EIF3K: variants seen among roughly 807,000 people sequenced by gnomAD.
EIF3K encodes eukaryotic translation initiation factor 3 subunit K.
Under a neutral mutation model 34.2 loss-of-function variants are expected in EIF3K, and 27 were observed. That is an observed-to-expected ratio of 0.79 (90% CI 0.58 to 1.09). EIF3K has a LOEUF of 1.09. Among genes scored for constraint, EIF3K ranks in the 50% least tolerant of loss-of-function variants. The pLI is 0.00. For missense variants in EIF3K, 232 were observed against 275.4 expected, an observed-to-expected ratio of 0.84 and a Z score of 1.11; for synonymous variants, 105 against 105.7, an observed-to-expected ratio of 0.99 and a Z score of 0.04.
chr19:38,632,307 CTT>C (rs1199083597), intron 4 of EIF3K, 121 bp from the exon 5 acceptor site: 3 of 897,882 alleles, frequency 3.3e-6, no homozygotes, highest in African/African-American at 3.4e-5. Context: ...AGGAAGATCA[CTT>C]GAGCCCAGAA....
intron 4 of EIF3K, among the ~76,000 whole-genome samples, chr19:38,626,723 C>T (rs1044391348): frequency 1.3e-5 from 2 of 152,230 alleles, no homozygotes; most frequent in Admixed American, 6.5e-5. Flanking sequence ...CCCACTTCTG[C>T]AGCCCCCTAA....
At chr19:38,625,965 G>T in intron 3 of EIF3K, 63 bp from the exon 4 acceptor site, 1 of 1,458,204 alleles carries the variant, frequency 6.9e-7, no homozygotes, top group Non-Finnish European at 9.6e-7. Flanking sequence ...AGGTGGGGAG[G>T]GGTGATCTGG....
chr19:38,633,453 T>C (rs140929292), intron 6 of EIF3K, among the ~76,000 whole-genome samples: 1,656 of 152,080 alleles, frequency 0.011, 33 homozygotes, highest in African/African-American at 0.034. Context: ...AATCCAGCAC[T>C]TTGGGAGGCC....
chr19:38,628,949 A>T (rs1213308310), intron 4 of EIF3K, among the ~76,000 whole-genome samples: 1 of 151,892 alleles, frequency 6.6e-6, no homozygotes, highest in East Asian at 1.9e-4. Context: ...TTCTCACCTC[A>T]ACTTATGATC....
At position 38,624,299 on chromosome 19, in the gene EIF3K, A is replaced by G. The variant is rs1975903475; in HGVS notation, c.279+102A>G. On this transcript the variant is annotated intron_variant, in intron 3 of 7. Transcript: ENST00000248342. ...GTCTGTGGGTGTATCCACAAACAAC[A>G]AGTGCCTGCTCTGGTCCAGCGTGGC... is the stretch of plus-strand genomic sequence containing the variant. 3.2e-5 allele frequency: 50 copies of G among 1,540,178 alleles called. No homozygotes were observed. In the South Asian group the frequency reaches 5.7e-4, roughly 18 times the overall value.
At chr19:38,629,977 C>A (rs1976026574) in intron 4 of EIF3K, among the ~76,000 whole-genome samples, 1 of 152,138 alleles carries the variant, frequency 6.6e-6, no homozygotes, top group African/African-American at 2.4e-5. Flanking sequence ...TATGTGTCTG[C>A]CCCCTTTCTC....
chr19:38,620,977 G>C (rs751777658), intron 2 of EIF3K, among the ~76,000 whole-genome samples: 12 of 152,154 alleles, frequency 7.9e-5, no homozygotes, highest in Non-Finnish European at 1.2e-4. Flanking sequence ...TGAGGCGAGA[G>C]ACTCACTTGA....
At chr19:38,631,503 G>T (rs576588386) in intron 4 of EIF3K, among the ~76,000 whole-genome samples, 8 of 152,320 alleles carry the variant, frequency 5.3e-5, no homozygotes, top group Non-Finnish European at 1.0e-4. Context: ...CTGCCCGCGT[G>T]TCCCACCTCC....
At chr19:38,622,213 C>CTCCT (rs1248046439) in intron 2 of EIF3K, among the ~76,000 whole-genome samples, 1 of 151,698 alleles carries the variant, frequency 6.6e-6, no homozygotes, top group East Asian at 1.9e-4. Context: ...TCATGTAATC[C>CTCCT]TCCTGCCTCG....
chr19:38,623,454 C>T (rs1975884678), intron 2 of EIF3K, among the ~76,000 whole-genome samples: 1 of 152,116 alleles, frequency 6.6e-6, no homozygotes, highest in South Asian at 2.1e-4. Flanking sequence ...CAGGCGTGAG[C>T]CACTGCACCC....
At chr19:38,620,534 T>G (rs1975817015) in intron 2 of EIF3K, 99 bp downstream of exon 2, 2 of 990,080 alleles carry the variant, frequency 2.0e-6, no homozygotes, top group East Asian at 5.1e-5. Flanking sequence ...TCCTGAACAA[T>G]GCAGCATCTC....
intron 7 of EIF3K, among the ~76,000 whole-genome samples, chr19:38,636,443 A>G (rs1976194075): frequency 6.6e-6 from 1 of 152,174 alleles, no homozygotes; most frequent in Non-Finnish European, 1.5e-5. Context: ...AGATCGCTCC[A>G]CTGCACTACA....
At chr19:38,627,227 C>A (rs567820512) in intron 4 of EIF3K, among the ~76,000 whole-genome samples, 1 of 151,934 alleles carries the variant, frequency 6.6e-6, no homozygotes, top group African/African-American at 2.4e-5. Flanking sequence ...CTCAGGTGAT[C>A]TGCCTGCCTC....
chr19:38,628,124 G>A (rs1357876643), intron 4 of EIF3K, among the ~76,000 whole-genome samples: 5 of 151,878 alleles, frequency 3.3e-5, no homozygotes, highest in South Asian at 2.1e-4. Flanking sequence ...GGCTGGTCTC[G>A]AACTACTGAC....
chr19:38,619,281 G>C lies in EIF3K; in HGVS notation c.13G>C (p.Glu5Gln). The C allele has an allele frequency of 6.2e-7, 1 of 1,614,056 alleles. No individual in the cohort carries two copies. Among genetic ancestry groups the C allele is most frequent in the Non-Finnish European group, 8.5e-7 (1 of 1,179,948 alleles). The change falls in exon 1 of 8, where the codon GAG becomes CAG. Residue 5 changes from glutamate to glutamine, a missense_variant. By Grantham distance (29) the Glu-to-Gln change is conservative. Transcript: ENST00000248342. ...GGCGACAGAAGTCATGGCGATGTTT[G>C]AGCAGATGAGAGCCAACGTGGGCAA... MAMF[E>Q]QMRANVGKLL...
Position 38,636,534 on chromosome 19 carries a change from G to A in EIF3K, c.626-355G>A, listed in dbSNP as rs572713900. Among the ~76,000 whole-genome samples, 14 of 152,256 alleles carry A rather than the reference G, an allele frequency of 9.2e-5. No homozygotes were observed. The South Asian group carries it at 1.9e-3, about 20-fold the overall frequency. On this transcript the variant is annotated intron_variant, in intron 7 of 7. Coordinates refer to ENST00000248342, the MANE Select transcript of EIF3K (RefSeq NM_013234.4). ...AATAGTACCTAGTAAATATTATCATGTAGGTAATTACAAACAACACTTCCT... is the reference window on the plus strand; with the variant it reads ...AATAGTACCTAGTAAATATTATCATATAGGTAATTACAAACAACACTTCCT...
At chr19:38,634,528 G>A (rs1010854914) in intron 6 of EIF3K, among the ~76,000 whole-genome samples, 17 of 151,744 alleles carry the variant, frequency 1.1e-4, no homozygotes, top group African/African-American at 4.1e-4. Flanking sequence ...AACCTGGGAG[G>A]TGGAGGTTGC....
rs113911762 is a variant in EIF3K, at chr19:38,636,645, G to T, written c.626-244G>T. 4.9e-3 allele frequency among the ~76,000 whole-genome samples: 741 copies of T among 152,312 alleles called. 8 individuals are homozygous for T. Among genetic ancestry groups the T allele is most frequent in the African/African-American group, 0.017 (689 of 41,570 alleles). ...AAGATAGGAAGGTAGGTGATGCTCAGAGATGTTCAGTAACTTGTCCAAGTG... is the reference window on the plus strand; with the variant it reads ...AAGATAGGAAGGTAGGTGATGCTCATAGATGTTCAGTAACTTGTCCAAGTG... On this transcript the variant is annotated intron_variant, in intron 7 of 7. Coordinates refer to ENST00000248342, the MANE Select transcript of EIF3K (RefSeq NM_013234.4).
chr19:38,621,019 T>C (rs186476588), intron 2 of EIF3K, among the ~76,000 whole-genome samples: 25 of 151,878 alleles, frequency 1.6e-4, no homozygotes, highest in Admixed American at 1.6e-3. Context: ...CATGGCAACA[T>C]AGCGAGACCC....
Sources: gnomAD v4.1 joint callset for allele counts (sites outside exome capture counted in the v4.1 genomes callset) on GRCh38, gnomAD v4.1.1 for gene constraint, MANE v1.5 for transcripts, NCBI Gene and HGNC (gene_info 2026-07-23, HGNC 2026-07-21) for gene names.